Variants in SSBP2 observed in about 807,000 individuals in gnomAD.
The protein encoded by SSBP2 is single-stranded DNA-binding protein 2.
SSBP2 carries 17 observed loss-of-function variants against 61.8 expected under a neutral mutation model. The ratio of observed to expected loss-of-function variants is 0.28; its 90% CI spans 0.19 to 0.41. The LOEUF is 0.41. Ranked by LOEUF, SSBP2 falls within the 10% of genes least tolerant of loss-of-function variation. The pLI is 1.00. For synonymous variants in SSBP2, 139 were observed against 141.3 expected (o/e 0.98, Z 0.12); for missense variants, 310 against 458.7 (o/e 0.68, Z 2.96).
intron 4 of SSBP2, among the ~76,000 whole-genome samples, chr5:81,588,669 T>C (rs1041906504): frequency 6.6e-6 from 1 of 152,178 alleles, no homozygotes; most frequent in Middle Eastern, 3.2e-3. Context: ...AGTAAATACT[T>C]GTTCATCAAA....
Position 81,487,603 on chromosome 5 carries a change from T to C in SSBP2, c.432+1647A>G, listed in dbSNP as rs372680645. ...TTTTATTGCTATTCTTTTTTTAATATTATTAAACTTTATTTTTTAAAAAAT... is the reference window on the plus strand; with the variant it reads ...TTTTATTGCTATTCTTTTTTTAATACTATTAAACTTTATTTTTTAAAAAAT... On this transcript the variant is annotated intron_variant, in intron 6 of 16. Transcript: ENST00000320672. Among the ~76,000 whole-genome samples the C allele has an allele frequency of 2.9e-4, 44 of 152,140 alleles. No individual in the cohort carries two copies. In the East Asian group the frequency reaches 7.3e-3, roughly 25 times the overall value.
At chr5:81,597,730 C>A (rs1743918847) in intron 4 of SSBP2, among the ~76,000 whole-genome samples, 1 of 151,582 alleles carries the variant, frequency 6.6e-6, no homozygotes, top group African/African-American at 2.4e-5. Context: ...AAACTGGAAA[C>A]CATCATTCTC....
At chr5:81,491,052 A>G (rs994781330) in intron 5 of SSBP2, among the ~76,000 whole-genome samples, 11 of 151,888 alleles carry the variant, frequency 7.2e-5, no homozygotes, top group Non-Finnish European at 1.3e-4. Flanking sequence ...TAATATTCAC[A>G]CTCTCTCTGT....
chr5:81,449,049 A>G (rs1029979685), intron 10 of SSBP2, among the ~76,000 whole-genome samples: 1 of 152,220 alleles, frequency 6.6e-6, no homozygotes, highest in Admixed American at 6.5e-5. Context: ...TTTAGACAGA[A>G]TAACTGCTTT....
At chr5:81,429,238 A>G (rs565676979) in intron 15 of SSBP2, among the ~76,000 whole-genome samples, 44 of 152,232 alleles carry the variant, frequency 2.9e-4, no homozygotes, top group Non-Finnish European at 4.9e-4. Context: ...TTAGGACTTG[A>G]GAATTTATTA....
At chr5:81,488,649 C>T (rs1766616285) in intron 6 of SSBP2, among the ~76,000 whole-genome samples, 1 of 151,124 alleles carries the variant, frequency 6.6e-6, no homozygotes, top group South Asian at 2.1e-4. Context: ...GTGTGCTGCA[C>T]CCATTAACTC....
intron 4 of SSBP2, among the ~76,000 whole-genome samples, chr5:81,523,756 G>A (rs556451038): frequency 1.3e-5 from 2 of 152,108 alleles, no homozygotes; most frequent in South Asian, 2.1e-4. Flanking sequence ...AGGTGTATAT[G>A]TGAGCTTTTC....
intron 4 of SSBP2, among the ~76,000 whole-genome samples, chr5:81,598,273 C>G (rs916189239): frequency 1.3e-5 from 2 of 152,032 alleles, no homozygotes; most frequent in Non-Finnish European, 2.9e-5. Flanking sequence ...GGAATTACCA[C>G]AAACTTCTTA....
At chr5:81,593,218 A>G (rs1743289689) in intron 4 of SSBP2, among the ~76,000 whole-genome samples, 1 of 152,242 alleles carries the variant, frequency 6.6e-6, no homozygotes, top group African/African-American at 2.4e-5. Flanking sequence ...AGCCGATGCC[A>G]TCAACTGGAA....
intron 14 of SSBP2, chr5:81,437,739 TAGAA>T: frequency 4.4e-6 from 1 of 225,932 alleles, no homozygotes; most frequent in Non-Finnish European, 8.7e-6. Flanking sequence ...TGTGAAATTT[TAGAA>T]AGACCATTTT....
At chr5:81,591,849 AGAG>A (rs1156896850) in intron 4 of SSBP2, among the ~76,000 whole-genome samples, 1 of 151,428 alleles carries the variant, frequency 6.6e-6, no homozygotes, top group Admixed American at 6.6e-5. Flanking sequence ...GAAAGGACAG[AGAG>A]GAGGAGCCAA....
intron 4 of SSBP2, among the ~76,000 whole-genome samples, chr5:81,542,706 G>A (rs1474776717): frequency 6.6e-6 from 1 of 151,954 alleles, no homozygotes; most frequent in East Asian, 1.9e-4. Context: ...CCCATGTGTC[G>A]AGGGAAGGAC....
In SSBP2 at chr5:81,431,060, G is replaced by A. The variant is rs186549414; in HGVS notation, c.958-2377C>T. On this transcript the variant is annotated intron_variant, in intron 15 of 16. Transcript: ENST00000320672. ...GCATCTGAGGGACAGCTAAGATAGC[G>A]GTACCAAAAACCATCCCAGAACAGG... Among the ~76,000 whole-genome samples, 8 of 152,164 alleles carry A rather than the reference G, an allele frequency of 5.3e-5. No homozygotes were observed. The East Asian group carries it at 1.2e-3, about 22-fold the overall frequency.
intron 1 of SSBP2, among the ~76,000 whole-genome samples, chr5:81,721,516 A>G (rs1755542919): frequency 6.6e-6 from 1 of 152,120 alleles, no homozygotes; most frequent in African/African-American, 2.4e-5. Context: ...CAAACCAAAG[A>G]GTTTTATAAT....
chr5:81,494,019 A>T (rs1254993961), intron 5 of SSBP2, among the ~76,000 whole-genome samples: 1 of 152,200 alleles, frequency 6.6e-6, no homozygotes, highest in Non-Finnish European at 1.5e-5. Flanking sequence ...CAGTCTTGTA[A>T]TTAATAGGAG....
chr5:81,423,541 G>C (rs1761745859), intron 16 of SSBP2, among the ~76,000 whole-genome samples: 1 of 152,176 alleles, frequency 6.6e-6, no homozygotes, highest in East Asian at 1.9e-4. Flanking sequence ...TCAGGAGTTT[G>C]AGACCAGCCT....
intron 1 of SSBP2, among the ~76,000 whole-genome samples, chr5:81,658,097 T>C (rs1482382307): frequency 1.3e-5 from 2 of 152,126 alleles, no homozygotes; most frequent in Non-Finnish European, 2.9e-5. Flanking sequence ...CTTTCAAATA[T>C]ATAAAACATT....
At chr5:81,548,365 G>A (rs1771912027) in intron 4 of SSBP2, among the ~76,000 whole-genome samples, 1 of 152,072 alleles carries the variant, frequency 6.6e-6, no homozygotes, top group South Asian at 2.1e-4. Flanking sequence ...AGAGGCAGAG[G>A]GGTATATGGG....
intron 4 of SSBP2, among the ~76,000 whole-genome samples, chr5:81,602,458 C>A (rs1253506861): frequency 6.6e-6 from 1 of 152,132 alleles, no homozygotes; most frequent in African/African-American, 2.4e-5. Flanking sequence ...TTTTGTTTAA[C>A]AGAGAGGAAC....
Sources: gnomAD v4.1 joint callset for allele counts (sites outside exome capture counted in the v4.1 genomes callset) on GRCh38, gnomAD v4.1.1 for gene constraint, MANE v1.5 for transcripts, NCBI Gene and HGNC (gene_info 2026-07-23, HGNC 2026-07-21) for gene names.